Variants in DAB1 observed in about 807,000 individuals in gnomAD.
DAB1 encodes the protein disabled homolog 1.
A neutral mutation model predicts 64.6 loss-of-function variants in DAB1; 15 were observed. That is an observed-to-expected ratio of 0.23 (90% CI 0.16 to 0.36). DAB1 has a LOEUF of 0.36. Ranked by LOEUF, DAB1 falls within the 10% of genes least tolerant of loss-of-function variation. The pLI, the probability that DAB1 is intolerant of heterozygous loss-of-function variation, is 1.00. For missense variants in DAB1, 596 were observed against 706.7 expected, an observed-to-expected ratio of 0.84 and a Z score of 1.78; for synonymous variants, 235 against 251.9, an observed-to-expected ratio of 0.93 and a Z score of 0.64.
chr1:58,480,877 TC>T (rs1645468330), intron 3 of DAB1: 1 of 703,212 alleles, frequency 1.4e-6, no homozygotes. Context: ...CTTTTTTTTT[TC>T]ACTTCAAACA....
intron 12 of DAB1, among the ~76,000 whole-genome samples, chr1:57,012,414 AG>A (rs1646292994): frequency 6.6e-6 from 1 of 152,196 alleles, no homozygotes; most frequent in Admixed American, 6.5e-5. Context: ...ATTGCAGCTC[AG>A]GGAGGTGAGG....
rs114930643 is a variant in DAB1 at position 57,476,963 on chromosome 1, C to T, written n.625+172629G>A. Among the ~76,000 whole-genome samples the T allele has an allele frequency of 8.5e-3, 1,291 of 152,166 alleles. 18 individuals carry two copies. The highest frequency in any genetic ancestry group is 0.03 in the African/African-American group (1,249 of 41,502). On this transcript the variant is annotated intron_variant and non_coding_transcript_variant, in intron 7 of 20. Coordinates refer to the DAB1 transcript ENST00000485760. ...GGTCTGTCACCTTCCATTTCCTTGT[C>T]GAGAAAATGAGGTAATAACAGCCCC...
intron 4 of DAB1, among the ~76,000 whole-genome samples, chr1:57,121,663 G>A (rs1420784925): frequency 7.2e-5 from 11 of 152,198 alleles, no homozygotes; most frequent in African/African-American, 2.6e-4. Flanking sequence ...TATTGCCTAG[G>A]TTTTCTTCTA....
At chr1:58,402,449 G>A (rs1382992793) in intron 3 of DAB1, among the ~76,000 whole-genome samples, 7 of 152,200 alleles carry the variant, frequency 4.6e-5, no homozygotes, top group Non-Finnish European at 1.0e-4. Flanking sequence ...CCACATGCAG[G>A]AAGTCTCTCT....
At chr1:57,696,898 C>G (rs1207414083) in intron 6 of DAB1, among the ~76,000 whole-genome samples, 1 of 152,130 alleles carries the variant, frequency 6.6e-6, no homozygotes, top group East Asian at 1.9e-4. Context: ...ATGTGCTCTT[C>G]TTTTGAGACA....
chr1:58,084,676 G>T (rs1650194087), intron 5 of DAB1: 2 of 152,726 alleles, frequency 1.3e-5, no homozygotes, highest in Non-Finnish European at 2.9e-5. Context: ...TGGCCAGCAG[G>T]TCCCTGGGCA....
chr1:58,344,383 AT>A (rs542858199), intron 3 of DAB1, among the ~76,000 whole-genome samples: 79 of 152,274 alleles, frequency 5.2e-4, no homozygotes, highest in African/African-American at 1.9e-3. Flanking sequence ...CAATCACTTC[AT>A]TTTGAACTGT....
intron 6 of DAB1, 124 bp from the exon 7 acceptor site, chr1:57,071,185 A>G: frequency 1.1e-6 from 1 of 948,864 alleles, no homozygotes; most frequent in Non-Finnish European, 1.6e-6. Flanking sequence ...CTGGTGGGCC[A>G]TCAAGGTAGA....
chr1:58,076,079 A>C (rs1649623012), intron 5 of DAB1, among the ~76,000 whole-genome samples: 1 of 152,158 alleles, frequency 6.6e-6, no homozygotes, highest in Non-Finnish European at 1.5e-5. Context: ...CAAGGGATGA[A>C]AGAAAAGGAA....
chr1:58,372,827 T>A (rs1203817417), intron 3 of DAB1, among the ~76,000 whole-genome samples: 1 of 151,656 alleles, frequency 6.6e-6, no homozygotes, highest in Non-Finnish European at 1.5e-5. Context: ...AGACATGCCT[T>A]GCTTTCCATT....
chr1:57,354,293 G>C (rs1174040316), intron 1 of DAB1, among the ~76,000 whole-genome samples: 2 of 152,044 alleles, frequency 1.3e-5, no homozygotes, highest in Non-Finnish European at 2.9e-5. Flanking sequence ...ACAGATTTGA[G>C]AGCTGCCTTG....
chr1:57,557,207 A>C (rs1467966837), intron 7 of DAB1, among the ~76,000 whole-genome samples: 1 of 152,090 alleles, frequency 6.6e-6, no homozygotes, highest in Non-Finnish European at 1.5e-5. Context: ...CTAGAATATA[A>C]GCAGGCAAAA....
chr1:57,577,255 T>C (rs999736841), intron 7 of DAB1, among the ~76,000 whole-genome samples: 2 of 152,164 alleles, frequency 1.3e-5, no homozygotes, highest in Non-Finnish European at 2.9e-5. Flanking sequence ...GCTTTTCATT[T>C]CCTCCTCGTA....
At chr1:58,310,301 G>C (rs573523363) in intron 4 of DAB1, among the ~76,000 whole-genome samples, 3 of 152,056 alleles carry the variant, frequency 2.0e-5, no homozygotes, top group African/African-American at 7.2e-5. Flanking sequence ...AAAAATATTT[G>C]TTTTAATTTA....
intron 2 of DAB1, among the ~76,000 whole-genome samples, chr1:57,201,174 G>GT (rs1300360710): frequency 6.6e-6 from 1 of 152,074 alleles, no homozygotes; most frequent in Non-Finnish European, 1.5e-5. Context: ...TTGCTATAGG[G>GT]TTTTTGTGGC....
intron 5 of DAB1, among the ~76,000 whole-genome samples, chr1:58,033,878 C>T (rs946969503): frequency 4.4e-4 from 67 of 152,148 alleles, no homozygotes; most frequent in African/African-American, 1.4e-3. Context: ...CATAGCCACC[C>T]TGATTATAAC....
intron 3 of DAB1, among the ~76,000 whole-genome samples, chr1:58,361,863 C>CTTTTTTTTTTTTTT (rs34029239): frequency 1.2e-5 from 1 of 84,022 alleles, no homozygotes; most frequent in Non-Finnish European, 2.1e-5. Context: ...AAAGATCCCC[C>CTTTTTTTTTTTTTT]TTTTTTTTTT....
chr1:58,381,987 C>T (rs1644394566), intron 3 of DAB1, among the ~76,000 whole-genome samples: 2 of 150,084 alleles, frequency 1.3e-5, no homozygotes, highest in Admixed American at 6.6e-5. Context: ...AAAGAAGAAA[C>T]AGTAGATAGA....
intron 2 of DAB1, among the ~76,000 whole-genome samples, chr1:57,147,579 C>T (rs1048648410): frequency 1.3e-5 from 2 of 152,076 alleles, no homozygotes; most frequent in Admixed American, 6.6e-5. Context: ...TCTGTAAGAG[C>T]GAATGTCAGA....
Sources: gnomAD v4.1 joint callset for allele counts (sites outside exome capture counted in the v4.1 genomes callset) on GRCh38, gnomAD v4.1.1 for gene constraint, MANE v1.5 for transcripts, NCBI Gene and HGNC (gene_info 2026-07-23, HGNC 2026-07-21) for gene names.